The following ANO1 variants were observed in gnomAD, a reference collection of about 807,000 sequenced individuals.
ANO1 encodes anoctamin 1, also known as anoctamin-1.
In ANO1, 59 loss-of-function variants were observed where a neutral mutation model predicts 124.0. The ratio of observed to expected loss-of-function variants is 0.48; its 90% CI spans 0.39 to 0.59. The LOEUF is 0.59. Among genes scored for constraint, ANO1 ranks in the 20% least tolerant of loss-of-function variants. The probability of loss-of-function intolerance (pLI) is 0.00; values close to 1 mark genes in which losing one functional copy is unlikely to be tolerated. For missense variants in ANO1, 1,059 were observed against 1,328.0 expected, an observed-to-expected ratio of 0.80 and a Z score of 3.15; for synonymous variants, 529 against 532.0, an observed-to-expected ratio of 0.99 and a Z score of 0.08.
At chr11:70,118,523 G>C (rs1481525149) in intron 8 of ANO1, among the ~76,000 whole-genome samples, 6 of 151,946 alleles carry the variant, frequency 3.9e-5, no homozygotes, top group Admixed American at 3.9e-4. Flanking sequence ...ATGATAGATG[G>C]ATGGATAGAG....
chr11:70,042,547 TTGAGAG>T (rs1857200834), intron 1 of ANO1, among the ~76,000 whole-genome samples: 1 of 123,274 alleles, frequency 8.1e-6, no homozygotes, highest in Non-Finnish European at 1.7e-5. Flanking sequence ...GATTGAGAGA[TTGAGAG>T]AGAGAGAGAG....
Position 70,157,137 on chromosome 11 carries a change from C to T in ANO1, c.1578+116C>T, listed in dbSNP as rs544050283. On this transcript the variant is annotated intron_variant, in intron 16 of 25. Coordinates refer to ENST00000355303, the MANE Select transcript of ANO1 (RefSeq NM_018043.7). ...ATCCCAGCACTTTGGGAGGCCGAGG[C>T]GGGCAGATCACTTGAGGTCAGGAGT... 28 of 873,330 alleles carry T rather than the reference C, an allele frequency of 3.2e-5. 1 individual carries two copies. The African/African-American group carries it at 3.4e-4, about 10-fold the overall frequency. 54.1% of individuals were successfully genotyped at this position (873,330 alleles called of 1,614,324 possible).
At chr11:70,105,844 A>C in intron 5 of ANO1, 56 bp downstream of exon 5, 1 of 1,552,794 alleles carries the variant, frequency 6.4e-7, no homozygotes, top group Non-Finnish European at 8.9e-7. Flanking sequence ...CTGGGGATCC[A>C]GATGATAATT....
At chr11:70,082,532 C>T (rs542956429) in intron 1 of ANO1, among the ~76,000 whole-genome samples, 1 of 152,192 alleles carries the variant, frequency 6.6e-6, no homozygotes, top group Non-Finnish European at 1.5e-5. Context: ...TGCGCTCCAG[C>T]CTAGGCGACA....
chr11:70,173,889 A>G (rs1400511888), intron 22 of ANO1, among the ~76,000 whole-genome samples: 1 of 151,974 alleles, frequency 6.6e-6, no homozygotes, highest in Admixed American at 6.6e-5. Context: ...CGTCTCTACT[A>G]AAAATACAAA....
rs1856813524 is a variant in ANO1 at position 70,021,712 on chromosome 11, T to C, written c.58+35546T>C. 2.0e-5 allele frequency among the ~76,000 whole-genome samples: 3 copies of C among 152,082 alleles called. No individual in the cohort carries two copies. The South Asian group carries it at 6.2e-4, about 32-fold the overall frequency. On this transcript the variant is annotated intron_variant, in intron 1 of 27. Coordinates refer to the ANO1 transcript ENST00000531349. ...CATTTGTTAAACATCAGCCCAAGGC[T>C]GGGCAAGGCCTCGGGAGCCAGGCTC...
intron 1 of ANO1, among the ~76,000 whole-genome samples, chr11:70,025,893 A>ATGATGG (rs1856893822): frequency 1.7e-5 from 1 of 59,086 alleles, no homozygotes; most frequent in South Asian, 5.9e-4. Flanking sequence ...GATGATGGTG[A>ATGATGG]TGATGATGAT....
chr11:70,091,223 C>G (rs569801008), intron 2 of ANO1, among the ~76,000 whole-genome samples: 9 of 152,116 alleles, frequency 5.9e-5, no homozygotes, highest in African/African-American at 2.2e-4. Flanking sequence ...CAGATTACAA[C>G]GAGCAAAGGG....
chr11:69,983,756 C>T (rs1241059223), upstream of ANO1, among the ~76,000 whole-genome samples: 3 of 152,190 alleles, frequency 2.0e-5, no homozygotes, highest in Middle Eastern at 3.2e-3. Flanking sequence ...TCTGGGTCTT[C>T]GACTGGCATT....
intron 1 of ANO1, among the ~76,000 whole-genome samples, chr11:70,019,776 C>T (rs959211813): frequency 6.6e-5 from 10 of 152,214 alleles, no homozygotes; most frequent in African/African-American, 2.2e-4. Context: ...ACTTCCTGGT[C>T]GTCTCATAAT....
intron 12 of ANO1, among the ~76,000 whole-genome samples, chr11:70,152,111 C>T (rs766290736): frequency 1.3e-5 from 2 of 151,964 alleles, no homozygotes. Flanking sequence ...CCGAGGAGGG[C>T]GGATCACGAG....
chr11:70,106,586 A>G (rs1008698564), intron 5 of ANO1, among the ~76,000 whole-genome samples: 2 of 152,204 alleles, frequency 1.3e-5, no homozygotes, highest in Admixed American at 1.3e-4. Context: ...CTGCTGGGAC[A>G]GACAGATCTG....
At chr11:70,012,097 G>A (rs1166238166) in intron 1 of ANO1, among the ~76,000 whole-genome samples, 1 of 142,790 alleles carries the variant, frequency 7.0e-6, no homozygotes, top group African/African-American at 2.6e-5. Context: ...TATTCATGCA[G>A]ACATCCACAT....
intron 25 of ANO1, among the ~76,000 whole-genome samples, chr11:70,186,352 G>GAGGAAGGAAGGA (rs58940209): frequency 0.1 from 12,936 of 126,748 alleles, 919 homozygotes; most frequent in Admixed American, 0.17. Context: ...GAGGGGGAGG[G>GAGGAAGGAAGGA]AGGAAGGAAG....
At chr11:69,979,276 T>C in the ANO1 span, among the ~76,000 whole-genome samples, 3 of 152,202 alleles carry the variant, frequency 2.0e-5, no homozygotes, top group South Asian at 6.2e-4. Flanking sequence ...ATTTTGCAAC[T>C]GGTGTATTGA....
intron 10 of ANO1, 118 bp downstream of exon 10, chr11:70,126,313 CCT>C (rs2046510012): frequency 7.7e-7 from 1 of 1,306,408 alleles, no homozygotes; most frequent in Admixed American, 2.8e-5. Flanking sequence ...ACACATGAAA[CCT>C]CACGCCAAGC....
intron 24 of ANO1, among the ~76,000 whole-genome samples, chr11:70,185,314 G>C (rs996504072): frequency 6.6e-6 from 1 of 152,192 alleles, no homozygotes; most frequent in Non-Finnish European, 1.5e-5. Flanking sequence ...GTGAGCCCAC[G>C]GCTGGGCCTG....
intron 2 of ANO1, among the ~76,000 whole-genome samples, chr11:70,097,816 G>T (rs2045068099): frequency 6.6e-6 from 1 of 152,200 alleles, no homozygotes; most frequent in African/African-American, 2.4e-5. Flanking sequence ...ACATCACTGA[G>T]CCTCTGCTCT....
At chr11:69,968,262 C>T in the ANO1 span, among the ~76,000 whole-genome samples, 3 of 152,068 alleles carry the variant, frequency 2.0e-5, no homozygotes, top group Non-Finnish European at 4.4e-5. Flanking sequence ...GAGGCCTGAG[C>T]CAGGGGTGGT....
Sources: gnomAD v4.1 joint callset for allele counts (sites outside exome capture counted in the v4.1 genomes callset) on GRCh38, gnomAD v4.1.1 for gene constraint, MANE v1.5 for transcripts, NCBI Gene and HGNC (gene_info 2026-07-23, HGNC 2026-07-21) for gene names.